SPATA18: variants seen among roughly 807,000 people sequenced by gnomAD.
The protein encoded by SPATA18 is mitochondria-eating protein.
SPATA18 carries 54 observed loss-of-function variants against 68.1 expected under a neutral mutation model. The observed-to-expected ratio is 0.79, with a 90% confidence interval of 0.64 to 0.99. The LOEUF is 0.99. SPATA18 is among the 50% of genes least tolerant of loss of function. The pLI is 0.00. For synonymous variants in SPATA18, 242 were observed against 244.8 expected, an observed-to-expected ratio of 0.99 and a Z score of 0.11; for missense variants, 724 against 681.1, an observed-to-expected ratio of 1.06 and a Z score of -0.70.
chr4:52,053,711 C>A (rs1738095337), intron 1 of SPATA18, among the ~76,000 whole-genome samples: 1 of 152,158 alleles, frequency 6.6e-6, no homozygotes, highest in Non-Finnish European at 1.5e-5. Context: ...TCCCTTTTCA[C>A]CATCATAATC....
chr4:52,085,786 G>A (rs1226970641), intron 11 of SPATA18, among the ~76,000 whole-genome samples: 1 of 152,094 alleles, frequency 6.6e-6, no homozygotes, highest in Non-Finnish European at 1.5e-5. Flanking sequence ...GCATGTGCCT[G>A]TAGTCCCAGC....
In SPATA18 at chr4:52,051,568, G is replaced by T; in HGVS notation, c.-137G>T. ...CCAGGTCCGACCCGAGGGGGAGGAT[G>T]GAAACACCTGCCGCGCTCTGAGCCC... On this transcript the variant is annotated 5_prime_UTR_variant, in exon 1 of 13. It removes an upstream start codon present in the reference 5' UTR. Transcript: ENST00000295213. The T allele has an allele frequency of 1.2e-6, 1 of 836,774 alleles. No homozygotes were observed. Among genetic ancestry groups the T allele is most frequent in the Non-Finnish European group, 2.0e-6 (1 of 506,490 alleles). 51.8% of individuals were successfully genotyped at this position (836,774 alleles called of 1,614,324 possible). A position where few individuals can be genotyped will look rare whatever the true frequency, so the allele number is the denominator to read the frequency against.
chr4:52,065,994 G>A (rs578251441), intron 4 of SPATA18, among the ~76,000 whole-genome samples: 224 of 151,808 alleles, frequency 1.5e-3, no homozygotes, highest in African/African-American at 5.3e-3. Context: ...TTTCTATTCC[G>A]CCACCCCTGC....
chr4:52,077,081 C>T lies in SPATA18; in HGVS notation c.1020+41C>T, dbSNP rs747442206. ...GGGACTCCCGGCTCCTTAGGGCAGC[C>T]GGGAGACAAGTTCTGTAACGTGAAT... On this transcript the variant is annotated intron_variant, in intron 7 of 12. Transcript: ENST00000295213. 11 of 1,545,380 alleles carry T rather than the reference C, an allele frequency of 7.1e-6. No homozygotes were observed. In the South Asian group the frequency reaches 1.1e-4, roughly 15 times the overall value.
chr4:52,068,062 A>G (rs1169005120), intron 4 of SPATA18, among the ~76,000 whole-genome samples: 1 of 152,184 alleles, frequency 6.6e-6, no homozygotes, highest in Non-Finnish European at 1.5e-5. Context: ...ATGTTTGCTT[A>G]TATGTGCATC....
intron 7 of SPATA18, among the ~76,000 whole-genome samples, chr4:52,078,057 A>G (rs1740548018): frequency 6.6e-6 from 1 of 151,886 alleles, no homozygotes; most frequent in Non-Finnish European, 1.5e-5. Context: ...GAGAAATACT[A>G]CTGTCTGAAA....
intron 5 of SPATA18, among the ~76,000 whole-genome samples, chr4:52,070,422 A>T (rs912956677): frequency 1.3e-5 from 2 of 151,898 alleles, no homozygotes; most frequent in Non-Finnish European, 2.9e-5. Flanking sequence ...GAAAAATATC[A>T]GTTGAACTGT....
chr4:52,057,446 G>A (rs868691679), intron 1 of SPATA18, among the ~76,000 whole-genome samples: 1 of 152,126 alleles, frequency 6.6e-6, no homozygotes, highest in Non-Finnish European at 1.5e-5. Flanking sequence ...TCTTGGGAAG[G>A]GGAACTGTGT....
chr4:52,060,342 AGTG>A, intron 1 of SPATA18, 74 bp from the exon 2 acceptor site: 1 of 1,212,714 alleles, frequency 8.2e-7, no homozygotes, highest in African/African-American at 1.5e-5. Flanking sequence ...TCGTGGGTCA[AGTG>A]AGGCCCTGGT....
chr4:52,051,983 C>G (rs1183478242), intron 1 of SPATA18, among the ~76,000 whole-genome samples, 192 bp downstream of exon 1: 1 of 152,202 alleles, frequency 6.6e-6, no homozygotes, highest in Non-Finnish European at 1.5e-5. Context: ...GCCCTTGTCT[C>G]AGAGCTTCGG....
intron 5 of SPATA18, 44 bp from the exon 6 acceptor site, chr4:52,071,873 C>T (rs548507397): frequency 3.1e-6 from 5 of 1,593,490 alleles, no homozygotes; most frequent in Non-Finnish European, 4.3e-6. Context: ...ACTCCCTCCC[C>T]TCTCCTCTCT....
At chr4:52,068,672 G>C (rs150027266) in intron 4 of SPATA18, among the ~76,000 whole-genome samples, 48 of 152,320 alleles carry the variant, frequency 3.2e-4, no homozygotes, top group African/African-American at 1.2e-3. Flanking sequence ...GCCTTCCACT[G>C]TTCTACCATC....
At chr4:52,082,921 A>C (rs1016357008) in intron 10 of SPATA18, 3 of 985,294 alleles carry the variant, frequency 3.0e-6, no homozygotes, top group Non-Finnish European at 3.6e-6. Context: ...GAAACTGCCA[A>C]TGTGCCCTGT....
chr4:52,060,273 G>A, intron 1 of SPATA18, 146 bp from the exon 2 acceptor site: 1 of 606,396 alleles, frequency 1.6e-6, no homozygotes, highest in Non-Finnish European at 3.0e-6. Flanking sequence ...AGGAAAGGGA[G>A]ATAGGTTTTG....
chr4:52,092,708 C>T (rs1223525274), intron 11 of SPATA18, among the ~76,000 whole-genome samples: 1 of 152,182 alleles, frequency 6.6e-6, no homozygotes, highest in Non-Finnish European at 1.5e-5. Context: ...TATTGTGACT[C>T]CTGCATGCTC....
At chr4:52,065,945 A>G (rs1344009326) in intron 4 of SPATA18, among the ~76,000 whole-genome samples, 1 of 152,058 alleles carries the variant, frequency 6.6e-6, no homozygotes, top group African/African-American at 2.4e-5. Flanking sequence ...AGAATGTCCA[A>G]TTGAATCTAT....
chr4:52,060,170 A>C (rs1738704466), intron 1 of SPATA18, among the ~76,000 whole-genome samples: 1 of 152,204 alleles, frequency 6.6e-6, no homozygotes, highest in South Asian at 2.1e-4. Context: ...CCCCAGGCAT[A>C]TATCACTTCC....
rs573050847 is a variant in SPATA18, at chr4:52,084,536, G to GT, written c.1480-379dup. On this transcript the variant is annotated intron_variant, in intron 10 of 12. Coordinates refer to ENST00000295213, the MANE Select transcript of SPATA18 (RefSeq NM_145263.4). ...AATAGTTATTTATGACCCAAACACT[G>GT]TATTTATGTGCTAGAGATTTAGCAA... 2.1e-3 allele frequency among the ~76,000 whole-genome samples: 324 copies of GT among 152,258 alleles called. 1 individual carries two copies. Among genetic ancestry groups the GT allele is most frequent in the Non-Finnish European group, 3.5e-3 (238 of 68,020 alleles).
chr4:52,067,890 G>T (rs1235249204), intron 4 of SPATA18, among the ~76,000 whole-genome samples: 2 of 152,188 alleles, frequency 1.3e-5, no homozygotes, highest in Non-Finnish European at 2.9e-5. Context: ...TGAGCATCAT[G>T]CCTGGCTCAT....
Sources: allele counts gnomAD v4.1 joint callset (sites outside exome capture counted in the v4.1 genomes callset), GRCh38; gene constraint gnomAD v4.1.1; transcripts MANE v1.5; gene names NCBI Gene and HGNC (gene_info 2026-07-23, HGNC 2026-07-21).